PCDHGA1: variants seen among roughly 807,000 people sequenced by gnomAD.
PCDHGA1 encodes protocadherin gamma subfamily A, 1.
A neutral mutation model predicts 58.0 loss-of-function variants in PCDHGA1; 32 were observed. That is an observed-to-expected ratio of 0.55 (90% confidence interval 0.42 to 0.74). PCDHGA1 has a LOEUF of 0.74. Ranked by LOEUF, PCDHGA1 falls within the 30% of genes least tolerant of loss-of-function variation. The probability of loss-of-function intolerance (pLI) is 0.00; values close to 1 mark genes in which losing one functional copy is unlikely to be tolerated. For missense variants in PCDHGA1, 1,205 were observed against 1,182.3 expected, an observed-to-expected ratio of 1.02 and a Z score of -0.28; for synonymous variants, 498 against 501.1, an observed-to-expected ratio of 0.99 and a Z score of 0.08.
rs936869534 is a variant in PCDHGA1, at chr5:141,371,001, G to T, written c.2421+37896G>T. The T allele has an allele frequency of 1.9e-6, 3 of 1,613,852 alleles. No homozygotes were observed. In the African/African-American group the frequency reaches 4.0e-5, roughly 22 times the overall value. ...AGTACTGAAAGCACCCCTGGACAGG[G>T]AAGAGCAGCCACATCACCACCTGGT... On this transcript the variant is annotated intron_variant, in intron 1 of 3. Coordinates refer to ENST00000517417, the MANE Select transcript of PCDHGA1 (RefSeq NM_018912.3).
At chr5:141,409,436 C>G (rs368696166) in intron 1 of PCDHGA1, 2 of 1,613,982 alleles carry the variant, frequency 1.2e-6, no homozygotes, top group Non-Finnish European at 1.7e-6. Flanking sequence ...AGCCCTGGAC[C>G]GAGAGCAGAC....
chr5:141,383,797 G>T, intron 1 of PCDHGA1: 1 of 1,613,962 alleles, frequency 6.2e-7, no homozygotes. Flanking sequence ...GCTTACAGGA[G>T]AAATATCAAC....
intron 1 of PCDHGA1, chr5:141,395,051 A>G: frequency 6.2e-7 from 1 of 1,614,178 alleles, no homozygotes; most frequent in Non-Finnish European, 8.5e-7. Flanking sequence ...TTGAGGAGGT[A>G]CAGGCTTTCC....
chr5:141,473,700 C>G (rs1474416849), intron 1 of PCDHGA1, among the ~76,000 whole-genome samples: 1 of 152,148 alleles, frequency 6.6e-6, no homozygotes, highest in Non-Finnish European at 1.5e-5. Context: ...GACCACCCTC[C>G]AAGTGGTGCA....
At chr5:141,430,936 C>T (rs2097327732) in intron 1 of PCDHGA1, 4 of 1,606,984 alleles carry the variant, frequency 2.5e-6, no homozygotes, top group Admixed American at 3.4e-5. Flanking sequence ...CCCGGGAGCT[C>T]GCGGAGCGCG....
intron 1 of PCDHGA1, chr5:141,417,791 C>T: frequency 6.7e-7 from 1 of 1,482,658 alleles, no homozygotes; most frequent in Non-Finnish European, 9.0e-7. Context: ...GCCGAATGCT[C>T]TTTTAGCGCG....
intron 1 of PCDHGA1, chr5:141,423,081 C>A: frequency 6.2e-7 from 1 of 1,614,084 alleles, no homozygotes; most frequent in South Asian, 1.1e-5. Context: ...CGGGACTCTT[C>A]GCGGTGGGGG....
intron 1 of PCDHGA1, chr5:141,394,183 A>G: frequency 1.2e-6 from 2 of 1,613,702 alleles, no homozygotes; most frequent in Non-Finnish European, 1.7e-6. Context: ...CATGCCTCCT[A>G]CTCAGCGTAT....
chr5:141,408,362 C>T (rs773344794), intron 1 of PCDHGA1: 36 of 1,613,850 alleles, frequency 2.2e-5, no homozygotes, highest in Non-Finnish European at 3.1e-5. Flanking sequence ...CGCTAAGGAT[C>T]TAGGGCTCAG....
chr5:141,484,532 G>A (rs1421387882), intron 1 of PCDHGA1, among the ~76,000 whole-genome samples: 1 of 152,182 alleles, frequency 6.6e-6, no homozygotes, highest in Non-Finnish European at 1.5e-5. Context: ...TTGAGTATAT[G>A]GCAGTGGTTC....
intron 1 of PCDHGA1, chr5:141,378,193 TA>T (rs376966694): frequency 7.2e-5 from 11 of 152,366 alleles, no homozygotes; most frequent in Middle Eastern, 3.4e-3. Context: ...GTGTGCCTAC[TA>T]CAGTGTCTTT....
intron 1 of PCDHGA1, among the ~76,000 whole-genome samples, chr5:141,435,245 G>A (rs577996994): frequency 6.6e-6 from 1 of 152,132 alleles, no homozygotes; most frequent in Admixed American, 6.5e-5. Context: ...ATTCTTTCTG[G>A]CCATTAGGGA....
rs551330964 is a variant in PCDHGA1, at chr5:141,388,155, G to T, written c.2421+55050G>T. On this transcript the variant is annotated intron_variant, in intron 1 of 3. Coordinates refer to ENST00000517417, the MANE Select transcript of PCDHGA1 (RefSeq NM_018912.3). ...GGAGTTGCTTGTGAGCAGCAGGCTA[G>T]ACAGGGAGGAGATATGCGGGAAGAA... is the stretch of plus-strand genomic sequence containing the variant. The T allele has an allele frequency of 1.2e-5, 18 of 1,469,902 alleles. No homozygotes were observed. The African/African-American group carries it at 2.5e-4, about 21-fold the overall frequency. 91.1% of individuals were successfully genotyped at this position (1,469,902 alleles called of 1,614,324 possible). A position where few individuals can be genotyped will look rare whatever the true frequency, so the allele number is the denominator to read the frequency against.
At position 141,491,753 on chromosome 5, in the gene PCDHGA1, C is replaced by T. The variant is rs373728953; in HGVS notation, c.2422-3054C>T. On this transcript the variant is annotated intron_variant, in intron 1 of 3. Coordinates refer to ENST00000517417, the MANE Select transcript of PCDHGA1 (RefSeq NM_018912.3). The surrounding 1 kb of genome is among the most constrained non-coding windows in gnomAD (Gnocchi z 6.9). ...ACCCCTGGGGGCGGCACTGGAGAAGCCGCCCGTCCTCATAAGGGATTGAAC... is the reference window on the plus strand; with the variant it reads ...ACCCCTGGGGGCGGCACTGGAGAAGTCGCCCGTCCTCATAAGGGATTGAAC... 4 of 1,585,146 alleles carry T rather than the reference C, an allele frequency of 2.5e-6. No homozygotes were observed. Among genetic ancestry groups the T allele is most frequent in the East Asian group, 2.3e-5 (1 of 43,412 alleles).
At position 141,364,766 on chromosome 5, in the gene PCDHGA1, G is replaced by A. The variant is rs377017789; in HGVS notation, c.2421+31661G>A. 6 of 1,613,880 alleles carry A rather than the reference G, an allele frequency of 3.7e-6. No homozygotes were observed. The African/African-American group carries it at 8.0e-5, about 22-fold the overall frequency. ...GTTAAAAGTAAAAGTTAATGAAAAT[G>A]CGGCTGCAGGGACACGGTTAGTGCT... On this transcript the variant is annotated intron_variant, in intron 1 of 3. Coordinates refer to ENST00000517417, the MANE Select transcript of PCDHGA1 (RefSeq NM_018912.3).
intron 1 of PCDHGA1, chr5:141,400,506 G>A (rs771674964): frequency 3.7e-6 from 6 of 1,613,830 alleles, no homozygotes; most frequent in Non-Finnish European, 5.1e-6. Context: ...CCAGCGAGTC[G>A]ACTTCCCATC....
chr5:141,427,096 T>A, intron 1 of PCDHGA1: 1 of 458,056 alleles, frequency 2.2e-6, no homozygotes, highest in Non-Finnish European at 4.4e-6. Flanking sequence ...GATGAGGGTG[T>A]CAATGCGGAG....
At chr5:141,388,459 C>G in intron 1 of PCDHGA1, 1 of 1,613,696 alleles carries the variant, frequency 6.2e-7, no homozygotes, top group Non-Finnish European at 8.5e-7. Flanking sequence ...AGTAAATACC[C>G]TGAGATGGTA....
chr5:141,374,389 T>C (rs746806211), intron 1 of PCDHGA1: 1 of 1,614,028 alleles, frequency 6.2e-7, no homozygotes, highest in South Asian at 1.1e-5. Flanking sequence ...GCCCGCGGTG[T>C]CTGGTGAGTT....
Sources: allele counts gnomAD v4.1 joint callset (sites outside exome capture counted in the v4.1 genomes callset), GRCh38; gene constraint gnomAD v4.1.1; non-coding constraint Gnocchi (gnomAD v3.1); transcripts MANE v1.5; gene names NCBI Gene and HGNC (gene_info 2026-07-23, HGNC 2026-07-21).